The following SOX5 variants were observed in gnomAD, a reference collection of about 807,000 sequenced individuals.
The protein encoded by SOX5 is SRY-box transcription factor 5, also known as transcription factor SOX-5.
SOX5 carries 9 observed loss-of-function variants against 92.0 expected under a neutral mutation model. The observed-to-expected ratio is 0.10, with a 90% CI of 0.06 to 0.17. The LOEUF (loss-of-function observed/expected upper bound fraction) is 0.17, where lower values mean the gene tolerates loss of function less well. Ranked by LOEUF, SOX5 falls within the 10% of genes least tolerant of loss-of-function variation. The probability of loss-of-function intolerance (pLI) is 1.00; values close to 1 mark genes in which losing one functional copy is unlikely to be tolerated. For missense variants in SOX5, 642 were observed against 944.5 expected (o/e 0.68, Z 4.20); for synonymous variants, 344 against 336.3 (o/e 1.02, Z -0.25).
At chr12:23,673,314 A>G (rs1231761104) in intron 6 of SOX5, among the ~76,000 whole-genome samples, 1 of 152,118 alleles carries the variant, frequency 6.6e-6, no homozygotes, top group Non-Finnish European at 1.5e-5. Flanking sequence ...TCTTTATTAT[A>G]CAATTCTACT....
rs578176445 is a variant in SOX5, at chr12:24,515,793, G to A, written c.-251+46536C>T. On this transcript the variant is annotated intron_variant, in intron 1 of 4. Coordinates refer to the SOX5 transcript ENST00000446891. ...TTTCTCAGAATTAGAGAAAAATTGT[G>A]AGCAAGTTGCACAATTGCTCAATTA... Among the ~76,000 whole-genome samples the A allele has an allele frequency of 4.0e-3, 605 of 152,240 alleles. 8 individuals are homozygous for A. The highest frequency in any genetic ancestry group is 4.5e-3 in the Non-Finnish European group (308 of 68,016).
intron 3 of SOX5, among the ~76,000 whole-genome samples, chr12:24,228,721 T>C (rs960339521): frequency 6.6e-6 from 1 of 152,238 alleles, no homozygotes; most frequent in East Asian, 1.9e-4. Context: ...ACACCCCACA[T>C]ACATACCATT....
At position 23,582,348 on chromosome 12, in the gene SOX5, C is replaced by G. The variant is rs562033274; in HGVS notation, c.1165-6510G>C. ...CTATAAAGAGATGGAAGTGTACCTG[C>G]TGAGCAGAACTTAAAGGAGAAAAGG... On this transcript the variant is annotated intron_variant, in intron 9 of 14. Transcript: ENST00000451604. 3.3e-6 allele frequency: 3 copies of G among 898,348 alleles called. No homozygotes were observed. The Admixed American group carries it at 1.9e-4, about 56-fold the overall frequency. 55.6% of individuals were successfully genotyped at this position (898,348 alleles called of 1,614,324 possible).
chr12:23,606,555 G>C (rs2075284952), intron 8 of SOX5, among the ~76,000 whole-genome samples: 1 of 151,766 alleles, frequency 6.6e-6, no homozygotes. Context: ...TTGGTTATTT[G>C]TGTTATTTAG....
chr12:24,094,000 G>C (rs1322652096), intron 4 of SOX5, among the ~76,000 whole-genome samples: 2 of 152,094 alleles, frequency 1.3e-5, no homozygotes, highest in Admixed American at 1.3e-4. Context: ...AGGCTGGAGC[G>C]CAATGGTGTG....
intron 3 of SOX5, among the ~76,000 whole-genome samples, chr12:23,828,701 C>A (rs2096269854): frequency 6.7e-6 from 1 of 148,416 alleles, no homozygotes; most frequent in South Asian, 2.1e-4. Flanking sequence ...ACCTTGGAAG[C>A]AATTAATATA....
intron 4 of SOX5, among the ~76,000 whole-genome samples, chr12:23,742,551 T>G (rs1293390710): frequency 6.6e-6 from 1 of 152,196 alleles, no homozygotes; most frequent in African/African-American, 2.4e-5. Flanking sequence ...AATGAAAATA[T>G]TCATATGCTA....
At chr12:24,404,725 C>T (rs372663685) in intron 1 of SOX5, among the ~76,000 whole-genome samples, 25 of 152,106 alleles carry the variant, frequency 1.6e-4, no homozygotes, top group African/African-American at 5.1e-4. Context: ...AAGGTCTGTG[C>T]GACTTTGAAG....
At chr12:23,904,714 T>G (rs1325186473) in intron 1 of SOX5, among the ~76,000 whole-genome samples, 1 of 151,422 alleles carries the variant, frequency 6.6e-6, no homozygotes, top group Non-Finnish European at 1.5e-5. Flanking sequence ...GTGATCTTCA[T>G]CAAGGTTGCC....
chr12:24,326,613 A>C lies in SOX5; in HGVS notation c.-174+41950T>G, dbSNP rs143117995. The stretch of plus-strand genomic sequence containing the variant: ...AGCATGTTCCCACTCAGGGTTTTGC[A>C]ACTGGTGTGACCTCTACCTTGAATG... On this transcript the variant is annotated intron_variant, in intron 2 of 4. Coordinates refer to the SOX5 transcript ENST00000446891. Among the ~76,000 whole-genome samples the C allele has an allele frequency of 2.4e-4, 36 of 152,270 alleles. No homozygotes were observed. The East Asian group carries it at 6.9e-3, about 29-fold the overall frequency.
At chr12:24,320,806 A>T (rs1409147030) in intron 2 of SOX5, among the ~76,000 whole-genome samples, 1 of 151,654 alleles carries the variant, frequency 6.6e-6, no homozygotes, top group East Asian at 1.9e-4. Flanking sequence ...CGGAGCTTGC[A>T]GTGAGCTGAG....
chr12:23,927,812 G>A (rs553254203), intron 1 of SOX5, among the ~76,000 whole-genome samples: 1 of 152,130 alleles, frequency 6.6e-6, no homozygotes, highest in Non-Finnish European at 1.5e-5. Context: ...TCACGAGTAA[G>A]ACCAAACTCT....
At chr12:24,378,437 G>C (rs1022741502) in intron 1 of SOX5, among the ~76,000 whole-genome samples, 1 of 152,140 alleles carries the variant, frequency 6.6e-6, no homozygotes, top group Non-Finnish European at 1.5e-5. Context: ...AATCTTAAAA[G>C]GGTTTCCATT....
rs571575680 is a variant in SOX5, at chr12:24,390,988, C to T, written c.-250-22349G>A. On this transcript the variant is annotated intron_variant, in intron 1 of 4. Transcript: ENST00000446891. ...TCAAATGGTAATTCTATTTTTAGTT[C>T]TTTGATAAATATACTGTTTTCCATA... is the stretch of plus-strand genomic sequence containing the variant. Among the ~76,000 whole-genome samples, 4 of 152,138 alleles carry T rather than the reference C, an allele frequency of 2.6e-5. No individual in the cohort carries two copies. In the East Asian group the frequency reaches 7.7e-4, roughly 29 times the overall value.
chr12:24,364,248 G>A (rs1955906746), intron 2 of SOX5, among the ~76,000 whole-genome samples: 1 of 151,916 alleles, frequency 6.6e-6, no homozygotes, highest in African/African-American at 2.4e-5. Context: ...CTCCTTAAAA[G>A]CCCTTAAAAT....
intron 1 of SOX5, among the ~76,000 whole-genome samples, chr12:23,907,827 T>C (rs994758266): frequency 2.6e-5 from 4 of 152,220 alleles, no homozygotes; most frequent in Non-Finnish European, 5.9e-5. Flanking sequence ...AAAATCATTT[T>C]ACTTGTTTTA....
At chr12:24,083,681 A>G (rs1943632576) in intron 4 of SOX5, among the ~76,000 whole-genome samples, 1 of 152,104 alleles carries the variant, frequency 6.6e-6, no homozygotes, top group South Asian at 2.1e-4. Flanking sequence ...ATTAGGATTG[A>G]AAGGTGAAAA....
chr12:23,609,964 T>C (rs778340086), intron 8 of SOX5, among the ~76,000 whole-genome samples: 7 of 152,166 alleles, frequency 4.6e-5, no homozygotes, highest in Non-Finnish European at 1.0e-4. Context: ...AGGCATTCTT[T>C]CTGCTCATCT....
chr12:24,000,039 T>C (rs1406497111), intron 4 of SOX5, among the ~76,000 whole-genome samples: 1 of 151,698 alleles, frequency 6.6e-6, no homozygotes, highest in Non-Finnish European at 1.5e-5. Context: ...TATAAACCTG[T>C]ATTTTTGGGC....
Sources: allele counts gnomAD v4.1 joint callset (sites outside exome capture counted in the v4.1 genomes callset), GRCh38; gene constraint gnomAD v4.1.1; transcripts MANE v1.5; gene names NCBI Gene and HGNC (gene_info 2026-07-23, HGNC 2026-07-21).